Variants in XIRP2 observed in about 807,000 individuals in gnomAD.
XIRP2 encodes xin actin-binding repeat-containing protein 2.
In XIRP2, 236 loss-of-function variants were observed where a neutral mutation model predicts 277.0. The ratio of observed to expected loss-of-function variants is 0.85; its 90% CI spans 0.77 to 0.95. The LOEUF (loss-of-function observed/expected upper bound fraction) is 0.95. Among genes scored for constraint, XIRP2 ranks in the 40% least tolerant of loss-of-function variants. The probability of loss-of-function intolerance (pLI) is 0.00; values close to 1 mark genes in which losing one functional copy is unlikely to be tolerated. For missense variants in XIRP2, 4,640 were observed against 4,157.5 expected (o/e 1.12, Z -3.19); for synonymous variants, 1,490 against 1,416.5 (o/e 1.05, Z -1.17).
At chr2:167,081,042 A>G (rs768210714) in intron 2 of XIRP2, among the ~76,000 whole-genome samples, 14 of 152,164 alleles carry the variant, frequency 9.2e-5, no homozygotes, top group Non-Finnish European at 2.1e-4. Flanking sequence ...TTTAAAGTCA[A>G]CTTTTTAAAT....
intron 2 of XIRP2, among the ~76,000 whole-genome samples, chr2:167,048,718 T>C (rs73012285): frequency 0.028 from 4,248 of 152,036 alleles, 205 homozygotes; most frequent in African/African-American, 0.097. Context: ...TGAAATCTAA[T>C]TATTGTCTCC....
chr2:167,048,005 A>T (rs934754915), intron 2 of XIRP2, among the ~76,000 whole-genome samples: 1 of 152,002 alleles, frequency 6.6e-6, no homozygotes, highest in Non-Finnish European at 1.5e-5. Context: ...ATACTACTTA[A>T]TATTACAGCT....
At chr2:167,033,398 A>T (rs555783244) in intron 2 of XIRP2, among the ~76,000 whole-genome samples, 1 of 152,128 alleles carries the variant, frequency 6.6e-6, no homozygotes, top group East Asian at 1.9e-4. Context: ...TGAAATAAAC[A>T]TGCATGTTCT....
intron 2 of XIRP2, among the ~76,000 whole-genome samples, chr2:166,918,552 A>G (rs373990887): frequency 1.2e-3 from 175 of 152,044 alleles, no homozygotes; most frequent in African/African-American, 4.1e-3. Context: ...GAAGGAACAT[A>G]TTTATCTTAT....
chr2:167,201,247 A>AGAGAGGGAGGGAG, intron 3 of XIRP2, among the ~76,000 whole-genome samples: 1 of 129,696 alleles, frequency 7.7e-6, no homozygotes, highest in South Asian at 2.7e-4. Context: ...AGAAAGAAAG[A>AGAGAGGGAGGGAG]AAGAAAGAAA....
At chr2:167,222,953 T>C (rs1280209083) in intron 5 of XIRP2, among the ~76,000 whole-genome samples, 1 of 152,214 alleles carries the variant, frequency 6.6e-6, no homozygotes, top group Non-Finnish European at 1.5e-5. Context: ...GTTCAATGAT[T>C]GTTTAGAATA....
At chr2:166,970,501 G>T (rs962048574) in intron 2 of XIRP2, among the ~76,000 whole-genome samples, 3 of 151,896 alleles carry the variant, frequency 2.0e-5, no homozygotes, top group Non-Finnish European at 4.4e-5. Context: ...AATTGACACA[G>T]AAATAATGCA....
chr2:167,112,904 C>T (rs1690800817), intron 2 of XIRP2, among the ~76,000 whole-genome samples: 3 of 152,130 alleles, frequency 2.0e-5, no homozygotes, highest in Admixed American at 6.6e-5. Flanking sequence ...ATCTGCCTGC[C>T]TCAGTCTCCC....
chr2:166,900,841 AGAG>A (rs1161526569), intron 1 of XIRP2, among the ~76,000 whole-genome samples: 1 of 152,156 alleles, frequency 6.6e-6, no homozygotes, highest in Non-Finnish European at 1.5e-5. Flanking sequence ...CACAAAGGGA[AGAG>A]GAGAAGATCT....
intron 3 of XIRP2, among the ~76,000 whole-genome samples, chr2:167,209,741 C>A (rs1014309721): frequency 6.6e-6 from 1 of 151,760 alleles, no homozygotes; most frequent in Non-Finnish European, 1.5e-5. Context: ...ACAAAGATCA[C>A]TAGATTAAAT....
intron 3 of XIRP2, among the ~76,000 whole-genome samples, chr2:167,170,026 A>ATTAG (rs1692638104): frequency 6.6e-6 from 1 of 152,146 alleles, no homozygotes; most frequent in Admixed American, 6.6e-5. Context: ...ATTGTGTGAC[A>ATTAG]TTAGCTGTAA....
chr2:167,197,423 A>G (rs1693550645), intron 3 of XIRP2, among the ~76,000 whole-genome samples: 1 of 152,126 alleles, frequency 6.6e-6, no homozygotes, highest in Non-Finnish European at 1.5e-5. Flanking sequence ...CCCACTGTTT[A>G]TATGTCAATA....
intron 1 of XIRP2, among the ~76,000 whole-genome samples, chr2:166,892,041 G>A (rs1684118567): frequency 2.0e-5 from 3 of 152,084 alleles, no homozygotes; most frequent in South Asian, 4.1e-4. Flanking sequence ...ATCTTATTGG[G>A]ATCATTAACT....
chr2:167,190,072 G>T (rs1384858693), intron 3 of XIRP2, among the ~76,000 whole-genome samples: 1 of 152,202 alleles, frequency 6.6e-6, no homozygotes, highest in South Asian at 2.1e-4. Context: ...TGGAAGAGAT[G>T]CATAGGGCAA....
chr2:167,078,697 C>T (rs1440740612), intron 2 of XIRP2, among the ~76,000 whole-genome samples: 1 of 151,934 alleles, frequency 6.6e-6, no homozygotes, highest in Admixed American at 6.6e-5. Context: ...TTAGCAAGGG[C>T]ATGGTGGCGG....
rs1559024057 is a variant in XIRP2 at position 167,214,226 on chromosome 2, G to GGAAGGA, written c.723+3331_723+3332insGAAGGA. Among the ~76,000 whole-genome samples, 438 of 67,324 alleles carry GGAAGGA rather than the reference G, an allele frequency of 6.5e-3. 46 individuals carry two copies. Among genetic ancestry groups the GGAAGGA allele is most frequent in the African/African-American group, 0.033 (337 of 10,080 alleles). 44.2% of individuals were successfully genotyped at this position (67,324 alleles called of 152,430 possible). ...AAAGAGAGGGAGGGAGGGAGGGAGG[G>GGAAGGA]AGGAAGGAAGGAAGGAAGGAAGGAA... On this transcript the variant is annotated intron_variant, in intron 4 of 10. Coordinates refer to ENST00000409195, the MANE Select transcript of XIRP2 (RefSeq NM_152381.6).
intron 5 of XIRP2, among the ~76,000 whole-genome samples, chr2:167,222,481 A>G (rs182688477): frequency 2.0e-5 from 3 of 152,332 alleles, no homozygotes; most frequent in Non-Finnish European, 4.4e-5. Flanking sequence ...CATAACAACC[A>G]TTAATGCTTC....
intron 2 of XIRP2, among the ~76,000 whole-genome samples, chr2:166,942,918 G>C (rs978412703): frequency 6.6e-5 from 10 of 151,992 alleles, no homozygotes; most frequent in Non-Finnish European, 1.5e-5. Flanking sequence ...TTCTCAAACA[G>C]CATCTCTTGT....
At chr2:166,999,148 G>A (rs1687300122) in intron 2 of XIRP2, among the ~76,000 whole-genome samples, 1 of 151,986 alleles carries the variant, frequency 6.6e-6, no homozygotes, top group Admixed American at 6.6e-5. Flanking sequence ...TTAGGTTGAG[G>A]GATTGAAGGT....
Sources: gnomAD v4.1 joint callset for allele counts (sites outside exome capture counted in the v4.1 genomes callset) on GRCh38, gnomAD v4.1.1 for gene constraint, MANE v1.5 for transcripts, NCBI Gene and HGNC (gene_info 2026-07-23, HGNC 2026-07-21) for gene names.